SPAG16: variants seen among roughly 807,000 people sequenced by gnomAD.
SPAG16 encodes the protein sperm-associated antigen 16 protein.
SPAG16 carries 86 observed loss-of-function variants against 80.4 expected under a neutral mutation model. The observed-to-expected ratio is 1.07, with a 90% CI of 0.90 to 1.28. The LOEUF is 1.28. Among genes scored for constraint, SPAG16 ranks in the 50% most tolerant of loss-of-function variants. SPAG16 has a pLI of 0.00. For synonymous variants in SPAG16, 294 were observed against 265.9 expected, an observed-to-expected ratio of 1.11 and a Z score of -1.03; for missense variants, 870 against 765.3, an observed-to-expected ratio of 1.14 and a Z score of -1.61.
At chr2:214,116,616 G>T (rs2053948025) in intron 14 of SPAG16, among the ~76,000 whole-genome samples, 1 of 152,170 alleles carries the variant, frequency 6.6e-6, no homozygotes, top group East Asian at 1.9e-4. Context: ...ACTGCGCAGA[G>T]ACCTGCTGGG....
intron 10 of SPAG16, among the ~76,000 whole-genome samples, chr2:213,627,303 G>GT (rs1197024348): frequency 4.6e-5 from 7 of 152,114 alleles, no homozygotes; most frequent in African/African-American, 1.7e-4. Flanking sequence ...ATTACAATCA[G>GT]CCTATGTGAC....
chr2:214,188,248 G>A (rs930302171), intron 15 of SPAG16, among the ~76,000 whole-genome samples: 4 of 152,166 alleles, frequency 2.6e-5, no homozygotes, highest in Non-Finnish European at 4.4e-5. Context: ...AGGCCATTAA[G>A]TATATTTGAA....
At chr2:214,102,480 T>C (rs756112524) in intron 13 of SPAG16, among the ~76,000 whole-genome samples, 1 of 152,056 alleles carries the variant, frequency 6.6e-6, no homozygotes, top group African/African-American at 2.4e-5. Flanking sequence ...AATGGCAGCT[T>C]TTCTCTCTGT....
At position 214,374,898 on chromosome 2, in the gene SPAG16, T is replaced by C. The variant is rs377448339; in HGVS notation, c.1721-35242T>C. Reference sequence around the variant, plus strand: ...ATTTATTTCTTGTGCTTGACGTTTCTGGCACATGGAGATGTGGTCTGCATG... The same window carrying C: ...ATTTATTTCTTGTGCTTGACGTTTCCGGCACATGGAGATGTGGTCTGCATG... On this transcript the variant is annotated intron_variant, in intron 15 of 15. Coordinates refer to ENST00000331683, the MANE Select transcript of SPAG16 (RefSeq NM_024532.5). Among the ~76,000 whole-genome samples the C allele has an allele frequency of 7.9e-5, 12 of 152,318 alleles. No homozygotes were observed. In the East Asian group the frequency reaches 9.6e-4, roughly 12 times the overall value.
intron 15 of SPAG16, among the ~76,000 whole-genome samples, chr2:214,327,061 A>C (rs1327034157): frequency 6.6e-6 from 1 of 152,186 alleles, no homozygotes; most frequent in Non-Finnish European, 1.5e-5. Flanking sequence ...ACAGAAGACA[A>C]AATGTTAGAT....
chr2:213,368,778 CAGAG>C (rs1206918899), intron 8 of SPAG16, among the ~76,000 whole-genome samples: 1 of 152,176 alleles, frequency 6.6e-6, no homozygotes, highest in Non-Finnish European at 1.5e-5. Flanking sequence ...ATAACACAAA[CAGAG>C]AGCCAAATCA....
intron 9 of SPAG16, among the ~76,000 whole-genome samples, chr2:213,454,136 C>T (rs764365156): frequency 3.9e-5 from 6 of 152,068 alleles, no homozygotes; most frequent in Admixed American, 6.5e-5. Context: ...AACTCTCCAG[C>T]GAAATTGAGA....
intron 13 of SPAG16, among the ~76,000 whole-genome samples, chr2:214,042,433 A>AAGC (rs2049085322): frequency 6.7e-6 from 1 of 149,744 alleles, no homozygotes; most frequent in African/African-American, 2.5e-5. Flanking sequence ...AACAAAAACA[A>AAGC]AACAACAACA....
chr2:213,596,384 T>C (rs544405832), intron 10 of SPAG16, among the ~76,000 whole-genome samples: 2 of 152,236 alleles, frequency 1.3e-5, no homozygotes, highest in South Asian at 4.1e-4. Context: ...ATTTAGGCCT[T>C]TAGTTACACA....
intron 13 of SPAG16, among the ~76,000 whole-genome samples, chr2:214,047,339 G>T (rs1388365374): frequency 6.6e-6 from 1 of 152,018 alleles, no homozygotes; most frequent in East Asian, 1.9e-4. Context: ...TGGCATAAAA[G>T]CAGGTACATA....
At chr2:214,351,725 A>AG (rs941673450) in intron 15 of SPAG16, among the ~76,000 whole-genome samples, 1 of 151,644 alleles carries the variant, frequency 6.6e-6, no homozygotes, top group Non-Finnish European at 1.5e-5. Context: ...CAAACAAAAA[A>AG]AACAACAAAA....
At chr2:213,873,508 A>G (rs1015767339) in intron 11 of SPAG16, among the ~76,000 whole-genome samples, 26 of 151,122 alleles carry the variant, frequency 1.7e-4, no homozygotes, top group Admixed American at 1.6e-3. Context: ...TTTACATTCA[A>G]TATTATTTTC....
chr2:214,080,272 A>G (rs1367311762), intron 13 of SPAG16, among the ~76,000 whole-genome samples: 1 of 152,094 alleles, frequency 6.6e-6, no homozygotes, highest in Non-Finnish European at 1.5e-5. Context: ...TCAAATAACA[A>G]GTTCTATAAA....
chr2:213,830,290 T>G (rs1468165105), intron 10 of SPAG16, among the ~76,000 whole-genome samples: 2 of 152,074 alleles, frequency 1.3e-5, no homozygotes, highest in African/African-American at 4.8e-5. Flanking sequence ...CAATGCAAAA[T>G]CCCACCACTG....
Position 213,681,171 on chromosome 2 carries a change from G to A in SPAG16, c.1071-181314G>A, listed in dbSNP as rs539297557. On this transcript the variant is annotated intron_variant, in intron 10 of 15. Transcript: ENST00000331683. Reference sequence around the variant, plus strand: ...GGGGAAAGAGGATTCTCTATAGGATGTGGATTTTTCCCACAGGATACTTTG... The same window carrying A: ...GGGGAAAGAGGATTCTCTATAGGATATGGATTTTTCCCACAGGATACTTTG... 5.9e-5 allele frequency among the ~76,000 whole-genome samples: 9 copies of A among 152,302 alleles called. No individual in the cohort carries two copies. The South Asian group carries it at 1.9e-3, about 32-fold the overall frequency.
rs545254266 is a variant in SPAG16 at position 213,759,491 on chromosome 2, G to C, written c.1071-102994G>C. 1.8e-4 allele frequency among the ~76,000 whole-genome samples: 28 copies of C among 151,986 alleles called. No homozygotes were observed. In the South Asian group the frequency reaches 5.4e-3, roughly 29 times the overall value. On this transcript the variant is annotated intron_variant, in intron 10 of 15. Transcript: ENST00000331683. ...AATTTTGTGACATCAAAAATTGAGA[G>C]GGTGGGGGAATGGAGCTTTTGAAGG...
chr2:214,206,693 C>T (rs984817224), intron 15 of SPAG16, among the ~76,000 whole-genome samples: 1 of 152,154 alleles, frequency 6.6e-6, no homozygotes, highest in Non-Finnish European at 1.5e-5. Flanking sequence ...TGTGGAACCT[C>T]CATACTGTCT....
chr2:213,431,872 T>A lies in SPAG16; in HGVS notation c.942+56753T>A, dbSNP rs560606108. The stretch of plus-strand genomic sequence containing the variant: ...GGCCACAAAACAAGTCTCAACAAAT[T>A]AAAAAAAATAGTAACTTTATCAAGT... On this transcript the variant is annotated intron_variant, in intron 9 of 15. Transcript: ENST00000331683. Among the ~76,000 whole-genome samples the A allele has an allele frequency of 6.6e-5, 10 of 151,710 alleles. No homozygotes were observed. The Middle Eastern group carries it at 0.01, about 156-fold the overall frequency.
chr2:213,455,586 C>G (rs758188823), intron 9 of SPAG16, among the ~76,000 whole-genome samples: 2 of 152,164 alleles, frequency 1.3e-5, no homozygotes. Flanking sequence ...ACAATTTTTT[C>G]ATGGATGAGG....
Sources: gnomAD v4.1 joint callset for allele counts (sites outside exome capture counted in the v4.1 genomes callset) on GRCh38, gnomAD v4.1.1 for gene constraint, MANE v1.5 for transcripts, NCBI Gene and HGNC (gene_info 2026-07-23, HGNC 2026-07-21) for gene names.